WARS2: variants seen among roughly 807,000 people sequenced by gnomAD.
The protein encoded by WARS2 is tryptophan--tRNA ligase, mitochondrial.
Under a neutral mutation model 36.5 loss-of-function variants are expected in WARS2, and 28 were observed. The ratio of observed to expected loss-of-function variants is 0.77; its 90% CI spans 0.57 to 1.05. WARS2 has a LOEUF of 1.05. Ranked by LOEUF, WARS2 falls within the 50% of genes least tolerant of loss-of-function variation. The pLI, the probability that WARS2 is intolerant of heterozygous loss-of-function variation, is 0.00. For missense variants in WARS2, 435 were observed against 456.8 expected (o/e 0.95, Z 0.44); for synonymous variants, 174 against 178.4 (o/e 0.98, Z 0.20).
chr1:119,075,669 C>A lies in WARS2; in HGVS notation c.348+681G>T, dbSNP rs1651672276. Among the ~76,000 whole-genome samples, 14 of 152,292 alleles carry A rather than the reference C, an allele frequency of 9.2e-5. No individual in the cohort carries two copies. In the South Asian group the frequency reaches 2.9e-3, roughly 32 times the overall value. On this transcript the variant is annotated intron_variant, in intron 2 of 5. Coordinates refer to ENST00000235521, the MANE Select transcript of WARS2 (RefSeq NM_015836.4). ...GGTTAAAGCAGATACATAATGAAGG[C>A]ATGATCTAGTTAGAATTTTCATCTT...
At chr1:119,136,795 T>C (rs1421009664) in intron 1 of WARS2, among the ~76,000 whole-genome samples, 1 of 152,322 alleles carries the variant, frequency 6.6e-6, no homozygotes, top group East Asian at 1.9e-4. Flanking sequence ...ATTCCACCAT[T>C]GTGTGACATT....
intron 5 of WARS2, 151 bp downstream of exon 5, chr1:119,033,944 C>T: frequency 5.3e-6 from 3 of 567,992 alleles, no homozygotes; most frequent in South Asian, 5.1e-5. Context: ...TAGTCCTACA[C>T]TAGAGAAAAC....
At chr1:119,131,149 A>G in intron 1 of WARS2, among the ~76,000 whole-genome samples, 1 of 152,208 alleles carries the variant, frequency 6.6e-6, no homozygotes, top group East Asian at 1.9e-4. Context: ...GCTTAAGAAC[A>G]AAGTTTTTGG....
chr1:119,064,179 A>C (rs1650639419), intron 2 of WARS2: 2 of 138,834 alleles, frequency 1.4e-5, no homozygotes, highest in African/African-American at 3.0e-5. Flanking sequence ...TGGAGCTTTA[A>C]GATTTGACTG....
chr1:119,033,351 T>A lies in WARS2; in HGVS notation c.643A>T (p.Lys215Ter). 1 of 1,614,168 alleles carries A rather than the reference T, an allele frequency of 6.2e-7. No homozygotes were observed. Among genetic ancestry groups the A allele is most frequent in the Non-Finnish European group, 8.5e-7 (1 of 1,180,022 alleles). Residue 215 changes from lysine to a stop codon, truncating the protein, a stop_gained, in exon 6 of 6, where the codon AAG (lysine) becomes TAG (stop). Coordinates refer to ENST00000235521, the MANE Select transcript of WARS2 (RefSeq NM_015836.4). LOFTEE classifies it high-confidence loss of function. ...PVPESILTSM[K>*]KVKSLRDPSA... Reference sequence around the variant, plus strand: ...GGATCACGTAGGGATTTTACCTTCTTCATGGATGCTAGGTTAAAAACACCA... The same window carrying A: ...GGATCACGTAGGGATTTTACCTTCTACATGGATGCTAGGTTAAAAACACCA...
At chr1:119,043,191 G>T (rs1648521625) in intron 3 of WARS2, among the ~76,000 whole-genome samples, 1 of 152,176 alleles carries the variant, frequency 6.6e-6, no homozygotes, top group South Asian at 2.1e-4. Flanking sequence ...TTATTAGATG[G>T]CAATATTCTG....
intron 1 of WARS2, among the ~76,000 whole-genome samples, chr1:119,122,295 C>T (rs954446308): frequency 6.6e-6 from 1 of 152,084 alleles, no homozygotes; most frequent in African/African-American, 2.4e-5. Flanking sequence ...TGGAAAAATG[C>T]TCAATATTAC....
At chr1:119,087,194 T>C (rs1652737523) in intron 1 of WARS2, among the ~76,000 whole-genome samples, 1 of 152,154 alleles carries the variant, frequency 6.6e-6, no homozygotes, top group African/African-American at 2.4e-5. Context: ...AGATATATTT[T>C]CCCGCCTAGA....
intron 2 of WARS2, among the ~76,000 whole-genome samples, chr1:119,058,322 T>A (rs190286174): frequency 0.019 from 2,731 of 146,612 alleles, 80 homozygotes; most frequent in African/African-American, 0.061. Context: ...TTTTTTTTTT[T>A]ATACTTTAAG....
intron 1 of WARS2, among the ~76,000 whole-genome samples, chr1:119,088,896 A>C (rs1373271196): frequency 6.6e-6 from 1 of 152,102 alleles, no homozygotes; most frequent in African/African-American, 2.4e-5. Flanking sequence ...CTGCTTGGCA[A>C]ACTCCCTACT....
In WARS2 at chr1:119,036,208, GAAAAAT is replaced by G. The variant is rs59569272; in HGVS notation, c.516-2001_516-1996del. 7.3e-5 allele frequency among the ~76,000 whole-genome samples: 11 copies of G among 150,880 alleles called. No individual in the cohort carries two copies. In the South Asian group the frequency reaches 1.1e-3, roughly 14 times the overall value. The stretch of plus-strand genomic sequence containing the variant: ...TGGGAAATGAGTGAAACTCTGCCTC[GAAAAAT>G]AAAAATAAAAATAAAAATAAATAAG... On this transcript the variant is annotated intron_variant, in intron 4 of 5. Transcript: ENST00000235521.
intron 2 of WARS2, among the ~76,000 whole-genome samples, chr1:119,072,835 T>G (rs1247142842): frequency 8.1e-6 from 1 of 124,146 alleles, no homozygotes; most frequent in Non-Finnish European, 1.8e-5. Context: ...TGATGTGTGG[T>G]ATCTGCTTTG....
intron 1 of WARS2, chr1:119,085,684 T>C (rs1214089309): frequency 6.9e-6 from 10 of 1,444,720 alleles, no homozygotes; most frequent in Non-Finnish European, 9.7e-6. Context: ...ATGGCCAGAA[T>C]TGTGCTCCTC....
intron 1 of WARS2, among the ~76,000 whole-genome samples, chr1:119,112,118 C>T (rs965400105): frequency 6.6e-6 from 1 of 152,178 alleles, no homozygotes; most frequent in Non-Finnish European, 1.5e-5. Context: ...GACGGGGTTT[C>T]ACCATGTTGG....
intron 1 of WARS2, among the ~76,000 whole-genome samples, chr1:119,078,821 C>T (rs1392753414): frequency 6.6e-6 from 1 of 152,034 alleles, no homozygotes; most frequent in Non-Finnish European, 1.5e-5. Context: ...TTTTATGAAT[C>T]AGATATATAA....
At chr1:119,044,280 T>C (rs1214140720) in intron 3 of WARS2, among the ~76,000 whole-genome samples, 2 of 152,222 alleles carry the variant, frequency 1.3e-5, no homozygotes, top group Non-Finnish European at 2.9e-5. Context: ...TATCAGTACA[T>C]GCACTAGTAA....
intron 1 of WARS2, chr1:119,085,012 A>C: frequency 6.4e-6 from 4 of 626,326 alleles, no homozygotes; most frequent in Non-Finnish European, 1.2e-5. Context: ...TGACGCCTAC[A>C]GTCACTGGAA....
chr1:119,133,332 A>T (rs1478532883), intron 1 of WARS2, among the ~76,000 whole-genome samples: 3 of 152,240 alleles, frequency 2.0e-5, no homozygotes, highest in Admixed American at 2.0e-4. Flanking sequence ...CCATGGCAAG[A>T]TATATAAGTG....
At chr1:119,072,698 G>C (rs990634102) in intron 2 of WARS2, among the ~76,000 whole-genome samples, 4 of 152,084 alleles carry the variant, frequency 2.6e-5, no homozygotes, top group African/African-American at 9.7e-5. Flanking sequence ...GGAGAGTCAG[G>C]GTAATTTGGG....
Sources: gnomAD v4.1 joint callset for allele counts (sites outside exome capture counted in the v4.1 genomes callset) on GRCh38, gnomAD v4.1.1 for gene constraint, MANE v1.5 for transcripts, NCBI Gene and HGNC (gene_info 2026-07-23, HGNC 2026-07-21) for gene names.